The following FSTL4 variants were observed in gnomAD, a reference collection of about 807,000 sequenced individuals.
FSTL4 encodes follistatin like 4.
A neutral mutation model predicts 78.2 loss-of-function variants in FSTL4; 28 were observed. That is an observed-to-expected ratio of 0.36 (90% CI 0.27 to 0.49). The LOEUF (loss-of-function observed/expected upper bound fraction) is 0.49, where lower values mean the gene tolerates loss of function less well. Ranked by LOEUF, FSTL4 falls within the 20% of genes least tolerant of loss-of-function variation. The pLI is 0.98. For missense variants in FSTL4, 922 were observed against 1,084.9 expected, an observed-to-expected ratio of 0.85 and a Z score of 2.11; for synonymous variants, 422 against 440.5, an observed-to-expected ratio of 0.96 and a Z score of 0.53.
chr5:133,294,496 G>C (rs1169263167), intron 6 of FSTL4, among the ~76,000 whole-genome samples: 1 of 152,184 alleles, frequency 6.6e-6, no homozygotes, highest in African/African-American at 2.4e-5. Context: ...GTCACCTGCT[G>C]ACTCTGGGTT....
At chr5:133,699,937 G>T in the FSTL4 span, among the ~76,000 whole-genome samples, 1 of 150,324 alleles carries the variant, frequency 6.7e-6, no homozygotes, top group African/African-American at 2.5e-5. Context: ...ATTCTTCCAG[G>T]TCTGCAGGTT....
chr5:133,202,443 A>G (rs1750358933), intron 14 of FSTL4: 1 of 154,440 alleles, frequency 6.5e-6, no homozygotes, highest in East Asian at 1.9e-4. Context: ...GTAATGGGGA[A>G]TCCTACCTTC....
chr5:133,659,739 C>T, the FSTL4 span, among the ~76,000 whole-genome samples: 2 of 151,806 alleles, frequency 1.3e-5, no homozygotes, highest in South Asian at 2.1e-4. Context: ...CTTCTGCTAG[C>T]TTAAAAGTTA....
chr5:133,446,031 A>T (rs1239545257), intron 3 of FSTL4, among the ~76,000 whole-genome samples: 1 of 152,106 alleles, frequency 6.6e-6, no homozygotes, highest in Non-Finnish European at 1.5e-5. Flanking sequence ...TCCCCAAGTG[A>T]TTGATTGTAG....
chr5:133,837,241 T>C, the FSTL4 span, among the ~76,000 whole-genome samples: 9 of 152,120 alleles, frequency 5.9e-5, no homozygotes, highest in Non-Finnish European at 1.0e-4. Context: ...GTCTCAGTTA[T>C]TGATTTCTCA....
chr5:133,489,889 C>A (rs993102457), intron 3 of FSTL4, among the ~76,000 whole-genome samples: 20 of 152,192 alleles, frequency 1.3e-4, no homozygotes, highest in Non-Finnish European at 5.9e-5. Flanking sequence ...CAGCCTCCAG[C>A]CTGAAACCAG....
intron 2 of FSTL4, among the ~76,000 whole-genome samples, chr5:133,570,174 A>C: frequency 6.6e-6 from 1 of 151,436 alleles, no homozygotes. Flanking sequence ...GCGCCACTGC[A>C]CTCCAGCCTG....
intron 6 of FSTL4, among the ~76,000 whole-genome samples, chr5:133,311,010 C>T (rs13156095): frequency 0.18 from 28,041 of 152,110 alleles, 2,692 homozygotes; most frequent in South Asian, 0.22. Flanking sequence ...GTATAACAAC[C>T]GGCTCCCTAG....
In FSTL4 at chr5:133,199,402, C is replaced by T. The variant is rs758660966; in HGVS notation, c.2222G>A (p.Arg741His). ...NSGISDLAFQ[R>H]SFTESNQYNI... ...GTATTGATTGCTTTCAGTGAAGGAG[C>T]GCTGGAAGGCCAAGTCTGAGATGCC... is the stretch of plus-strand genomic sequence containing the variant. Residue 741 changes from arginine (R) to histidine (H), a missense_variant, in exon 16 of 16, where the codon CGC becomes CAC. By Grantham distance (29) the Arg-to-His change is conservative. Coordinates refer to ENST00000265342, the MANE Select transcript of FSTL4 (RefSeq NM_015082.2). The surrounding 1 kb of genome is among the most constrained non-coding windows in gnomAD (Gnocchi z 4.4). The T allele has an allele frequency of 9.4e-5, 152 of 1,614,180 alleles. No individual in the cohort carries two copies. Among genetic ancestry groups the T allele is most frequent in the Middle Eastern group, 4.9e-4 (3 of 6,062 alleles).
At chr5:133,363,881 A>G (rs1029974576) in intron 4 of FSTL4, among the ~76,000 whole-genome samples, 2 of 152,084 alleles carry the variant, frequency 1.3e-5, no homozygotes, top group Non-Finnish European at 2.9e-5. Flanking sequence ...CTCACCGCTG[A>G]GCTGGCCTCA....
chr5:133,261,595 G>A (rs1366499670), intron 6 of FSTL4, among the ~76,000 whole-genome samples: 4 of 152,128 alleles, frequency 2.6e-5, no homozygotes, highest in African/African-American at 7.2e-5. Context: ...CGGTGCTCAC[G>A]CCTGGAATCC....
chr5:133,321,588 A>T (rs1403895579), intron 4 of FSTL4, among the ~76,000 whole-genome samples: 1 of 152,096 alleles, frequency 6.6e-6, no homozygotes, highest in Admixed American at 6.5e-5. Flanking sequence ...GCTCACGCCT[A>T]TAATCCTAGC....
At chr5:133,615,690 C>T (rs394958), upstream of FSTL4, among the ~76,000 whole-genome samples, 61,416 of 151,982 alleles carry the variant, frequency 0.4, 12,652 homozygotes, top group South Asian at 0.47. Flanking sequence ...TCATTAATCA[C>T]CTAGAAATTA....
chr5:133,277,096 G>C (rs1443198000), intron 6 of FSTL4, among the ~76,000 whole-genome samples: 1 of 152,228 alleles, frequency 6.6e-6, no homozygotes, highest in East Asian at 1.9e-4. Flanking sequence ...TGGATCACCT[G>C]AGGTCGGGAG....
At chr5:133,702,421 T>C in the FSTL4 span, among the ~76,000 whole-genome samples, 2 of 151,986 alleles carry the variant, frequency 1.3e-5, no homozygotes, top group Non-Finnish European at 2.9e-5. Context: ...CCTCAGAGCA[T>C]TGGGGCAGGA....
chr5:133,740,674 C>T, the FSTL4 span, among the ~76,000 whole-genome samples: 3 of 152,158 alleles, frequency 2.0e-5, no homozygotes, highest in African/African-American at 4.8e-5. Context: ...CCCTCTCCTG[C>T]ATCTGCCAGT....
intron 4 of FSTL4, among the ~76,000 whole-genome samples, chr5:133,350,046 G>T (rs1428929862): frequency 8.9e-5 from 13 of 145,252 alleles, no homozygotes; most frequent in Non-Finnish European, 1.2e-4. Flanking sequence ...GGACCCATAG[G>T]ATGGACTTTG....
At chr5:133,820,698 G>A in the FSTL4 span, among the ~76,000 whole-genome samples, 7 of 152,206 alleles carry the variant, frequency 4.6e-5, no homozygotes, top group African/African-American at 1.2e-4. Flanking sequence ...TTTAGCTTTC[G>A]TAAGTGTTGG....
the FSTL4 span, chr5:133,721,070 T>C: frequency 6.6e-6 from 1 of 152,216 alleles, no homozygotes; most frequent in Admixed American, 6.5e-5. Flanking sequence ...TGCATTTTCC[T>C]AGTGATTAAT....
Sources: allele counts gnomAD v4.1 joint callset (sites outside exome capture counted in the v4.1 genomes callset), GRCh38; gene constraint gnomAD v4.1.1; non-coding constraint Gnocchi (gnomAD v3.1); transcripts MANE v1.5; gene names NCBI Gene and HGNC (gene_info 2026-07-23, HGNC 2026-07-21).